Variants in WDR72 observed in about 807,000 individuals in gnomAD.
WDR72 encodes the protein WD repeat-containing protein 72.
In WDR72, 120 loss-of-function variants were observed where a neutral mutation model predicts 124.2. The observed-to-expected ratio is 0.97, with a 90% CI of 0.83 to 1.12. The LOEUF is 1.12. WDR72 is among the 50% of genes most tolerant of loss of function. The probability of loss-of-function intolerance (pLI) is 0.00; values close to 1 mark genes in which losing one functional copy is unlikely to be tolerated. For missense variants in WDR72, 1,387 were observed against 1,278.8 expected (o/e 1.08, Z -1.29); for synonymous variants, 452 against 441.7 (o/e 1.02, Z -0.29).
In WDR72 at chr15:53,710,869, C is replaced by A. The variant is rs12905755; in HGVS notation, c.942G>T (p.Val314=). Residue 314 remains valine (V), a synonymous_variant, in exon 9 of 20, where the codon GTG becomes GTT. Coordinates refer to ENST00000360509, the MANE Select transcript of WDR72 (RefSeq NM_182758.4). The part of the protein sequence containing the change: ...IYPHLLCSTS[V]QENKEQSRPF... ...TTTCTTGCATTACCTTATTTTCCTG[C>A]ACAGAAGTAGAGCACAGTAAATGAG... 73,462 of 1,612,312 alleles carry A rather than the reference C, an allele frequency of 0.046. 1,862 individuals are homozygous for A. Among genetic ancestry groups the A allele is most frequent in the Non-Finnish European group, 0.051 (60,332 of 1,178,470 alleles).
At chr15:53,671,932 A>T (rs993671784) in intron 13 of WDR72, among the ~76,000 whole-genome samples, 1 of 151,566 alleles carries the variant, frequency 6.6e-6, no homozygotes, top group Non-Finnish European at 1.5e-5. Flanking sequence ...GGGAAGAGAA[A>T]AGAGAAAAAA....
At chr15:53,749,830 A>G (rs2018732365) in intron 1 of WDR72, among the ~76,000 whole-genome samples, 1 of 152,176 alleles carries the variant, frequency 6.6e-6, no homozygotes, top group Non-Finnish European at 1.5e-5. Flanking sequence ...ACCATCCACA[A>G]CATTCCCTTA....
intron 14 of WDR72, among the ~76,000 whole-genome samples, chr15:53,640,378 C>A (rs1047302363): frequency 2.0e-5 from 3 of 152,090 alleles, no homozygotes; most frequent in African/African-American, 7.2e-5. Context: ...TGCTTGGATG[C>A]CATAGCCCTA....
chr15:53,620,937 TCAAA>T (rs1275125381), intron 14 of WDR72, among the ~76,000 whole-genome samples: 1 of 151,882 alleles, frequency 6.6e-6, no homozygotes, highest in Non-Finnish European at 1.5e-5. Context: ...TACAATGAAC[TCAAA>T]CAAATTAGCA....
chr15:53,542,109 C>A (rs1893178535), intron 18 of WDR72, among the ~76,000 whole-genome samples: 1 of 64,528 alleles, frequency 1.5e-5, no homozygotes, highest in Non-Finnish European at 2.9e-5. Context: ...TCTAGCAAGG[C>A]AGGCCAACGT....
intron 18 of WDR72, among the ~76,000 whole-genome samples, chr15:53,565,608 A>G (rs1894266985): frequency 6.6e-6 from 1 of 151,928 alleles, no homozygotes; most frequent in Non-Finnish European, 1.5e-5. Flanking sequence ...TTCTTTGTAA[A>G]CACTGCATGG....
At chr15:53,626,236 G>A (rs538368048) in intron 14 of WDR72, among the ~76,000 whole-genome samples, 2 of 152,198 alleles carry the variant, frequency 1.3e-5, no homozygotes, top group African/African-American at 2.4e-5. Flanking sequence ...CTTGGGCCAC[G>A]CGATGAGTGT....
At chr15:53,689,611 G>C (rs1349984258) in intron 13 of WDR72, among the ~76,000 whole-genome samples, 1 of 144,296 alleles carries the variant, frequency 6.9e-6, no homozygotes, top group Admixed American at 6.9e-5. Context: ...CTTTTACACT[G>C]TTGGTAGGAC....
Position 53,517,669 on chromosome 15 carries a change from C to T in WDR72, c.*30G>A, listed in dbSNP as rs376689004. Reference sequence around the variant, plus strand: ...CATCTTTTGGATTTCTTAATTTGTCCAAATTCAGCTCCTACTGATGAGATT... The same window carrying T: ...CATCTTTTGGATTTCTTAATTTGTCTAAATTCAGCTCCTACTGATGAGATT... On this transcript the variant is annotated 3_prime_UTR_variant, in exon 20 of 20. Coordinates refer to ENST00000360509, the MANE Select transcript of WDR72 (RefSeq NM_182758.4). 387 of 1,610,756 alleles carry T rather than the reference C, an allele frequency of 2.4e-4. No individual in the cohort carries two copies. Among genetic ancestry groups the T allele is most frequent in the Non-Finnish European group, 3.1e-4 (363 of 1,177,504 alleles).
intron 18 of WDR72, among the ~76,000 whole-genome samples, chr15:53,588,209 CCACT>C (rs924449044): frequency 2.0e-5 from 3 of 152,026 alleles, no homozygotes; most frequent in African/African-American, 4.8e-5. Context: ...TATTACACAT[CCACT>C]CACTCAGGCA....
At chr15:53,753,569 T>A (rs541158483) in intron 1 of WDR72, among the ~76,000 whole-genome samples, 2 of 152,338 alleles carry the variant, frequency 1.3e-5, no homozygotes, top group African/African-American at 4.8e-5. Flanking sequence ...TTTGTGAACA[T>A]CTTTGTGGAT....
chr15:53,738,194 C>G (rs2018410718), intron 1 of WDR72, among the ~76,000 whole-genome samples: 1 of 152,070 alleles, frequency 6.6e-6, no homozygotes, highest in African/African-American at 2.4e-5. Flanking sequence ...AAAAAAATTA[C>G]AGCCTTAAAC....
At position 53,615,239 on chromosome 15, in the gene WDR72, A is replaced by C. The variant is rs1040166263; in HGVS notation, c.2780+187T>G. On this transcript the variant is annotated intron_variant, in intron 15 of 19. Transcript: ENST00000360509. Reference sequence around the variant, plus strand: ...TTTAAATCATATAGATTTATTGCCAAATTATACTCTAATCCCAAACAATTA... The same window carrying C: ...TTTAAATCATATAGATTTATTGCCACATTATACTCTAATCCCAAACAATTA... Among the ~76,000 whole-genome samples the C allele has an allele frequency of 3.3e-5, 5 of 152,006 alleles. No homozygotes were observed. In the East Asian group the frequency reaches 7.7e-4, roughly 24 times the overall value.
intron 13 of WDR72, among the ~76,000 whole-genome samples, chr15:53,689,152 T>G (rs1408842698): frequency 6.6e-6 from 1 of 152,210 alleles, no homozygotes; most frequent in East Asian, 1.9e-4. Flanking sequence ...GACATAGGCA[T>G]GGGCCAGGAC....
chr15:53,536,956 G>A (rs1196563956), intron 18 of WDR72, among the ~76,000 whole-genome samples: 1 of 152,084 alleles, frequency 6.6e-6, no homozygotes, highest in Non-Finnish European at 1.5e-5. Flanking sequence ...AGATGTTTAA[G>A]CAGTCCCCAA....
intron 18 of WDR72, among the ~76,000 whole-genome samples, chr15:53,554,607 T>C (rs960303536): frequency 6.6e-6 from 1 of 152,150 alleles, no homozygotes; most frequent in African/African-American, 2.4e-5. Context: ...TAAAGGCACT[T>C]GACCTAGATT....
intron 2 of WDR72, among the ~76,000 whole-genome samples, chr15:53,728,924 C>T (rs2018121575): frequency 6.6e-6 from 1 of 152,244 alleles, no homozygotes; most frequent in Admixed American, 6.5e-5. Flanking sequence ...CTGTGCCCTG[C>T]CATCCCACTG....
intron 6 of WDR72, among the ~76,000 whole-genome samples, 162 bp from the exon 7 acceptor site, chr15:53,713,053 T>C (rs1176430629): frequency 1.3e-5 from 2 of 151,900 alleles, no homozygotes; most frequent in African/African-American, 2.4e-5. Context: ...TACTTGGCAA[T>C]AGAAGCTGTG....
chr15:53,531,991 T>C (rs896665549), intron 18 of WDR72, among the ~76,000 whole-genome samples: 3 of 152,126 alleles, frequency 2.0e-5, no homozygotes, highest in African/African-American at 7.2e-5. Context: ...AAATGTTGCA[T>C]ACACATTTGA....
Sources: allele counts gnomAD v4.1 joint callset (sites outside exome capture counted in the v4.1 genomes callset), GRCh38; gene constraint gnomAD v4.1.1; transcripts MANE v1.5; gene names NCBI Gene and HGNC (gene_info 2026-07-23, HGNC 2026-07-21).